BSN: variants seen among roughly 807,000 people sequenced by gnomAD.
BSN encodes the protein bassoon presynaptic cytomatrix protein.
Under a neutral mutation model 264.8 loss-of-function variants are expected in BSN, and 57 were observed. The observed-to-expected ratio is 0.22, with a 90% CI of 0.17 to 0.27. BSN has a LOEUF of 0.27. Among genes scored for constraint, BSN ranks in the 10% least tolerant of loss-of-function variants. The pLI is 1.00. For synonymous variants in BSN, 2,059 were observed against 2,137.3 expected, an observed-to-expected ratio of 0.96 and a Z score of 1.01; for missense variants, 4,615 against 5,232.5, an observed-to-expected ratio of 0.88 and a Z score of 3.64.
chr3:49,663,263 C>G lies in BSN; in HGVS notation c.11105C>G (p.Ser3702Cys). 6.2e-7 allele frequency: 1 copy of G among 1,614,148 alleles called. No individual in the cohort carries two copies. Among genetic ancestry groups the G allele is most frequent in the Non-Finnish European group, 8.5e-7 (1 of 1,180,028 alleles). ...PKKGQPGYPS[S>C]AEYSQPSRAS... is the part of the protein sequence containing the mutation. ...AAGGGTCAGCCTGGGTATCCCAGCT[C>G]TGCTGAGTACTCACAGCCATCCCGT... is the stretch of plus-strand genomic sequence containing the variant. The change falls in exon 7 of 12, where the codon TCT becomes TGT. Residue 3702 changes from serine to cysteine, a missense_variant. Coordinates refer to ENST00000296452, the MANE Select transcript of BSN (RefSeq NM_003458.4).
intron 1 of BSN, among the ~76,000 whole-genome samples, chr3:49,602,445 ATTT>A (rs752244991): frequency 2.2e-5 from 3 of 139,014 alleles, no homozygotes; most frequent in Non-Finnish European, 3.2e-5. Flanking sequence ...CTCTCTTTAA[ATTT>A]TTTTTTTTTT....
chr3:49,600,987 A>G (rs1461235108), intron 1 of BSN, among the ~76,000 whole-genome samples: 1 of 152,144 alleles, frequency 6.6e-6, no homozygotes, highest in African/African-American at 2.4e-5. Flanking sequence ...GACAGAGGTG[A>G]CTGAGACAGA....
chr3:49,651,183 C>A lies in BSN; in HGVS notation c.1986+104C>A. On this transcript the variant is annotated intron_variant, in intron 4 of 11. Transcript: ENST00000296452. The surrounding 1 kb of genome is among the most constrained non-coding windows in gnomAD (Gnocchi z 5.4). ...GAGGCTGTAGGCTCAGGACAGGTGC[C>A]TTGGGGCCACACAGGAGGGAAGGGA... 8.7e-7 allele frequency: 1 copy of A among 1,145,832 alleles called. No individual in the cohort carries two copies. The highest frequency in any genetic ancestry group is 1.2e-6 in the Non-Finnish European group (1 of 828,862). The allele number at this position is 1,145,832 out of a possible 1,614,324, so 71.0% of individuals were successfully genotyped here. A position where few individuals can be genotyped will look rare whatever the true frequency, so the allele number is the denominator to read the frequency against.
intron 1 of BSN, among the ~76,000 whole-genome samples, chr3:49,595,975 T>C (rs2052019508): frequency 6.6e-6 from 1 of 152,232 alleles, no homozygotes; most frequent in South Asian, 2.1e-4. Flanking sequence ...ATATGCCTTT[T>C]ATTTCTTTTA....
Position 49,656,545 on chromosome 3 carries a change from C to G in BSN, c.6989C>G (p.Pro2330Arg). 2 of 1,566,802 alleles carry G rather than the reference C, an allele frequency of 1.3e-6. No individual in the cohort carries two copies. Among genetic ancestry groups the G allele is most frequent in the Non-Finnish European group, 8.6e-7 (1 of 1,157,402 alleles). The change falls in exon 5 of 12, where the codon CCA becomes CGA. Residue 2330 changes from proline to arginine, a missense_variant. Coordinates refer to ENST00000296452, the MANE Select transcript of BSN (RefSeq NM_003458.4). ...KEAAGAPAPAPLAGQKPPADA... is the reference protein window; with the variant it reads ...KEAAGAPAPARLAGQKPPADA... ...GCTGCAGGAGCCCCAGCTCCTGCCCCACTAGCTGGCCAGAAGCCACCAGCA... is the reference window on the plus strand; with the variant it reads ...GCTGCAGGAGCCCCAGCTCCTGCCCGACTAGCTGGCCAGAAGCCACCAGCA...
In BSN at chr3:49,651,089, A is replaced by C; in HGVS notation, c.1986+10A>C. 1 of 1,596,174 alleles carries C rather than the reference A, an allele frequency of 6.3e-7. No homozygotes were observed. Among genetic ancestry groups the C allele is most frequent in the African/African-American group, 1.4e-5 (1 of 73,496 alleles). ...GGGTGGGGAGGCGGAGGTCAGTCCC[A>C]TTCACTTCCCAGAGACCCTAGCTTT... is the stretch of plus-strand genomic sequence containing the variant. On this transcript the variant is annotated intron_variant, in intron 4 of 11. Coordinates refer to ENST00000296452, the MANE Select transcript of BSN (RefSeq NM_003458.4). This position sits in a 1 kb window ranked among gnomAD's most constrained non-coding sequence, Gnocchi z 5.4.
At chr3:49,636,595 C>G (rs1216300803) in intron 2 of BSN, among the ~76,000 whole-genome samples, 1 of 152,176 alleles carries the variant, frequency 6.6e-6, no homozygotes, top group Non-Finnish European at 1.5e-5. Context: ...CCAGTGAGGT[C>G]TTCTAGCCCC....
At chr3:49,601,127 T>C (rs144204592) in intron 1 of BSN, among the ~76,000 whole-genome samples, 1 of 152,170 alleles carries the variant, frequency 6.6e-6, no homozygotes, top group South Asian at 2.1e-4. Flanking sequence ...GTGGTAGATA[T>C]CAGCTCTCTC....
At chr3:49,640,163 C>T (rs1411932639) in intron 2 of BSN, among the ~76,000 whole-genome samples, 1 of 152,262 alleles carries the variant, frequency 6.6e-6, no homozygotes, top group East Asian at 1.9e-4. Flanking sequence ...AGACAGAGAA[C>T]AACCTTGGCC....
intron 1 of BSN, among the ~76,000 whole-genome samples, chr3:49,581,187 G>A (rs2051893455): frequency 6.6e-6 from 1 of 152,064 alleles, no homozygotes; most frequent in Non-Finnish European, 1.5e-5. Context: ...GTTTCGCCAT[G>A]TTGGCCAGGC....
intron 1 of BSN, among the ~76,000 whole-genome samples, chr3:49,575,539 T>C (rs1479336873): frequency 6.8e-6 from 1 of 147,616 alleles, no homozygotes; most frequent in Non-Finnish European, 1.5e-5. Flanking sequence ...TATGTAAATA[T>C]ATGTGTGTAT....
chr3:49,560,895 G>C (rs540006433), intron 1 of BSN, among the ~76,000 whole-genome samples: 1 of 152,158 alleles, frequency 6.6e-6, no homozygotes, highest in Admixed American at 6.5e-5. Context: ...TGGCCCATTT[G>C]TCTTATATTT....
At chr3:49,609,835 G>A (rs767377898) in intron 1 of BSN, among the ~76,000 whole-genome samples, 4 of 152,248 alleles carry the variant, frequency 2.6e-5, no homozygotes, top group South Asian at 2.1e-4. Flanking sequence ...CTTGTCTATC[G>A]TCAGCCTGGG....
chr3:49,590,335 T>A (rs1056747867), intron 1 of BSN, among the ~76,000 whole-genome samples: 1 of 152,132 alleles, frequency 6.6e-6, no homozygotes, highest in African/African-American at 2.4e-5. Flanking sequence ...AAAAAACAAA[T>A]CTGATAATCT....
chr3:49,575,413 TATATATATGTGTATATATATGTAA>T (rs1559595649), intron 1 of BSN, among the ~76,000 whole-genome samples: 41 of 147,310 alleles, frequency 2.8e-4, no homozygotes, highest in Admixed American at 9.6e-4. Flanking sequence ...TATATGTAAA[TATATATATGTGTATATATATGTAA>T]ATATATATGT....
At chr3:49,561,087 C>T (rs1435584886) in intron 1 of BSN, among the ~76,000 whole-genome samples, 1 of 152,216 alleles carries the variant, frequency 6.6e-6, no homozygotes, top group Non-Finnish European at 1.5e-5. Context: ...CTACTTCTTT[C>T]TAACAAGAGG....
intron 1 of BSN, among the ~76,000 whole-genome samples, chr3:49,581,806 G>C (rs1332866191): frequency 6.6e-6 from 1 of 151,726 alleles, no homozygotes; most frequent in Non-Finnish European, 1.5e-5. Context: ...CCTGAAGAGA[G>C]AGCAAGACTC....
At chr3:49,645,128 T>C (rs916831467) in intron 3 of BSN, among the ~76,000 whole-genome samples, 6 of 152,100 alleles carry the variant, frequency 3.9e-5, no homozygotes, top group Non-Finnish European at 7.4e-5. Flanking sequence ...CTCATCTCCA[T>C]AGGGTCTGAT....
intron 1 of BSN, among the ~76,000 whole-genome samples, chr3:49,555,926 A>G (rs2051665798): frequency 6.6e-6 from 1 of 152,188 alleles, no homozygotes; most frequent in African/African-American, 2.4e-5. Flanking sequence ...TTGTGTGTTT[A>G]TTTCCTCAGA....
Sources: gnomAD v4.1 joint callset for allele counts (sites outside exome capture counted in the v4.1 genomes callset) on GRCh38, gnomAD v4.1.1 for gene constraint, Gnocchi (gnomAD v3.1) non-coding constraint, MANE v1.5 for transcripts, NCBI Gene and HGNC (gene_info 2026-07-23, HGNC 2026-07-21) for gene names.